The following BICDL1 variants were observed in gnomAD, a reference collection of about 807,000 sequenced individuals.
The protein encoded by BICDL1 is BICD family like cargo adaptor 1.
In BICDL1, 20 loss-of-function variants were observed where a neutral mutation model predicts 76.8. The ratio of observed to expected loss-of-function variants is 0.26; its 90% confidence interval spans 0.18 to 0.38. The LOEUF is 0.38. Among genes scored for constraint, BICDL1 ranks in the 10% least tolerant of loss-of-function variants. The pLI, the probability that BICDL1 is intolerant of heterozygous loss-of-function variation, is 1.00. For missense variants in BICDL1, 700 were observed against 798.6 expected (o/e 0.88, Z 1.49); for synonymous variants, 383 against 337.1 (o/e 1.14, Z -1.49).
At chr12:120,092,686 G>A (rs986360206) in intron 9 of BICDL1, 1 of 985,320 alleles carries the variant, frequency 1.0e-6, no homozygotes, top group African/African-American at 1.7e-5. Flanking sequence ...AGAGCAGGTG[G>A]AGTGCTAGTG....
intron 1 of BICDL1, among the ~76,000 whole-genome samples, chr12:119,995,054 T>G (rs929181327): frequency 6.6e-6 from 1 of 152,222 alleles, no homozygotes; most frequent in African/African-American, 2.4e-5. Context: ...AGGCTCCTCT[T>G]AGCTGTGACT....
Position 120,064,891 on chromosome 12 carries a change from G to A in BICDL1, c.909+12G>A, listed in dbSNP as rs1953187662. 1 of 1,597,138 alleles carries A rather than the reference G, an allele frequency of 6.3e-7. No homozygotes were observed. Among genetic ancestry groups the A allele is most frequent in the Non-Finnish European group, 8.5e-7 (1 of 1,174,176 alleles). ...ACAAGGACCTACAGGTACTGGGGTA[G>A]AGAAGCTGTCCTGCAGGACTAGAGC... On this transcript the variant is annotated intron_variant, in intron 4 of 9. Transcript: ENST00000548673.
intron 2 of BICDL1, among the ~76,000 whole-genome samples, chr12:120,033,200 T>A (rs1476833547): frequency 6.6e-6 from 1 of 152,106 alleles, no homozygotes; most frequent in Admixed American, 6.6e-5. Flanking sequence ...TCAAAAGATG[T>A]CCTTTACAGC....
chr12:120,090,658 G>A (rs527944049), intron 9 of BICDL1: 125 of 359,092 alleles, frequency 3.5e-4, no homozygotes, highest in African/African-American at 2.2e-3. Context: ...TTTAGGATAT[G>A]GGTATAAACA....
At chr12:120,045,568 A>G (rs1594161363) in intron 2 of BICDL1, among the ~76,000 whole-genome samples, 1 of 151,940 alleles carries the variant, frequency 6.6e-6, no homozygotes, top group Admixed American at 6.6e-5. Context: ...GCACATATAC[A>G]CCGTGGAATA....
At position 120,083,629 on chromosome 12, in the gene BICDL1, GTATTTATTTATTTATTTATT is replaced by G. The variant is rs10566467; in HGVS notation, c.1583+2641_1583+2660del. On this transcript the variant is annotated intron_variant, in intron 8 of 9. Coordinates refer to ENST00000548673, the MANE Select transcript of BICDL1 (RefSeq NM_001367886.1). Reference sequence around the variant, plus strand: ...GGTCATTTACAAAATATTAATAGTAGTATTTATTTATTTATTTATTTATTTATTTATTTATTTATTTATTT... The same window carrying G: ...GGTCATTTACAAAATATTAATAGTAGTATTTATTTATTTATTTATTTATTT... Among the ~76,000 whole-genome samples, 107 of 145,206 alleles carry G rather than the reference GTATTTATTTATTTATTTATT, an allele frequency of 7.4e-4. 1 individual carries two copies. Among genetic ancestry groups the G allele is most frequent in the East Asian group, 4.1e-3 (20 of 4,884 alleles).
chr12:120,090,397 T>G (rs763468232), intron 9 of BICDL1, among the ~76,000 whole-genome samples: 1 of 152,096 alleles, frequency 6.6e-6, no homozygotes, highest in Non-Finnish European at 1.5e-5. Context: ...CCCAGGAAGC[T>G]CAGTATAATT....
intron 8 of BICDL1, among the ~76,000 whole-genome samples, chr12:120,089,169 G>A (rs1391682799): frequency 1.3e-5 from 2 of 152,246 alleles, no homozygotes; most frequent in African/African-American, 4.8e-5. Context: ...TTCCAGTGGG[G>A]AATGGGCCAT....
At chr12:120,014,878 C>T (rs1460715749) in intron 2 of BICDL1, among the ~76,000 whole-genome samples, 3 of 151,718 alleles carry the variant, frequency 2.0e-5, no homozygotes, top group Admixed American at 1.3e-4. Context: ...CATGTTACTT[C>T]CCTAAAATGA....
At chr12:120,054,121 G>A (rs1952924053) in intron 2 of BICDL1, among the ~76,000 whole-genome samples, 1 of 150,454 alleles carries the variant, frequency 6.6e-6, no homozygotes, top group Non-Finnish European at 1.5e-5. Flanking sequence ...CGCCCAGGCT[G>A]GAGTGCAGTT....
At chr12:120,041,654 A>C (rs1003841074) in intron 2 of BICDL1, among the ~76,000 whole-genome samples, 31 of 152,308 alleles carry the variant, frequency 2.0e-4, no homozygotes, top group African/African-American at 7.0e-4. Flanking sequence ...TGAGCAGAGG[A>C]GGCCTCTCTG....
chr12:120,042,551 T>C (rs1300010143), intron 2 of BICDL1, among the ~76,000 whole-genome samples: 1 of 152,066 alleles, frequency 6.6e-6, no homozygotes, highest in Non-Finnish European at 1.5e-5. Flanking sequence ...ACGTCTGTAA[T>C]CCCAGGACTT....
intron 2 of BICDL1, among the ~76,000 whole-genome samples, chr12:120,002,042 A>AT (rs931485075): frequency 6.6e-6 from 1 of 152,054 alleles, no homozygotes; most frequent in East Asian, 1.9e-4. Context: ...TTAAAAAAAA[A>AT]TTTTTTTAAG....
intron 8 of BICDL1, among the ~76,000 whole-genome samples, chr12:120,082,022 G>T (rs1874032298): frequency 6.6e-6 from 1 of 151,434 alleles, no homozygotes; most frequent in African/African-American, 2.4e-5. Context: ...TCCCCAATTG[G>T]CCCATAAATA....
intron 4 of BICDL1, among the ~76,000 whole-genome samples, chr12:120,069,656 C>T (rs1035543785): frequency 6.6e-6 from 1 of 152,130 alleles, no homozygotes; most frequent in African/African-American, 2.4e-5. Flanking sequence ...TTTCCACCTC[C>T]GGCTCCTTTC....
chr12:120,068,537 C>A (rs888341445), intron 4 of BICDL1, among the ~76,000 whole-genome samples: 2 of 152,158 alleles, frequency 1.3e-5, no homozygotes, highest in Non-Finnish European at 2.9e-5. Context: ...GCATTTAGGC[C>A]GGGCGTGGTG....
At chr12:120,089,839 AGTTCAGG>A in intron 8 of BICDL1, 105 bp from the exon 9 acceptor site, 1 of 1,275,612 alleles carries the variant, frequency 7.8e-7, no homozygotes, top group Non-Finnish European at 1.1e-6. Flanking sequence ...ATTTGTTGTG[AGTTCAGG>A]GTCAGAGCCT....
intron 1 of BICDL1, among the ~76,000 whole-genome samples, chr12:119,996,950 A>ATTTT (rs368753843): frequency 3.3e-5 from 4 of 121,426 alleles, no homozygotes; most frequent in African/African-American, 6.6e-5. Context: ...AAACAAAAAG[A>ATTTT]TTTTTTTTTT....
At chr12:120,014,829 T>TA (rs771610015) in intron 2 of BICDL1, among the ~76,000 whole-genome samples, 11 of 150,510 alleles carry the variant, frequency 7.3e-5, no homozygotes, top group Non-Finnish European at 1.3e-4. Flanking sequence ...CTCCCATCTC[T>TA]AAAAAAAAAT....
Sources: gnomAD v4.1 joint callset for allele counts (sites outside exome capture counted in the v4.1 genomes callset) on GRCh38, gnomAD v4.1.1 for gene constraint, MANE v1.5 for transcripts, NCBI Gene and HGNC (gene_info 2026-07-23, HGNC 2026-07-21) for gene names.